The following CDKL5 variants were observed in gnomAD, a reference collection of about 807,000 sequenced individuals.
The protein encoded by CDKL5 is cyclin dependent kinase like 5.
Under a neutral mutation model 61.7 loss-of-function variants are expected in CDKL5, and 8 were observed. That is an observed-to-expected ratio of 0.13 (90% CI 0.08 to 0.23). CDKL5 has a LOEUF of 0.23. CDKL5 is among the 10% of genes least tolerant of loss of function. The probability of loss-of-function intolerance (pLI) is 1.00; values close to 1 mark genes in which losing one functional copy is unlikely to be tolerated. For missense variants in CDKL5, 440 were observed against 734.5 expected (o/e 0.60, Z 4.63); for synonymous variants, 275 against 272.3 (o/e 1.01, Z -0.10).
intron 1 of CDKL5, among the ~76,000 whole-genome samples, chrX:18,431,423 C>CTTTTTTTTTTTTT (rs1177063856): frequency 5.2e-5 from 5 of 95,524 alleles, no homozygotes; most frequent in Non-Finnish European, 8.5e-5. Flanking sequence ...GATTTCTTTT[C>CTTTTTTTTTTTTT]TTTTTTTTTT....
At chrX:18,543,271 G>T (rs2147117273) in intron 3 of CDKL5, among the ~76,000 whole-genome samples, 1 of 109,386 alleles carries the variant, frequency 9.1e-6, no homozygotes, top group South Asian at 4.0e-4. Context: ...CTGGTCTTTT[G>T]GCTGAAAGAA....
chrX:18,525,744 CTTTTTTTTT>C (rs778200388), intron 3 of CDKL5, among the ~76,000 whole-genome samples: 1 of 75,658 alleles, frequency 1.3e-5, no homozygotes, highest in African/African-American at 4.9e-5. Context: ...AATATTGAGT[CTTTTTTTTT>C]TTTTTTTTTT....
At chrX:18,440,066 G>A (rs1305951992) in intron 1 of CDKL5, among the ~76,000 whole-genome samples, 1 of 110,676 alleles carries the variant, frequency 9.0e-6, no homozygotes. Context: ...TGAAGGTTGG[G>A]GGATCTGTGG....
chrX:18,581,740 A>G (rs980862249), intron 6 of CDKL5, 151 bp from the exon 7 acceptor site: 6 of 397,192 alleles, frequency 1.5e-5, no homozygotes, highest in Non-Finnish European at 2.6e-5. Flanking sequence ...ATGTACCAGC[A>G]TAAAATGTGT....
In CDKL5 at chrX:18,635,412, C is replaced by T. The variant is rs1927356516; in HGVS notation, c.*6655C>T. On this transcript the variant is annotated 3_prime_UTR_variant, in exon 18 of 18. Transcript: ENST00000623535. ...GCACTGACTGATGTGACTGCCAGGCCGTCCCAATCTTGAGCACTGTGGTCC... is the reference window on the plus strand; with the variant it reads ...GCACTGACTGATGTGACTGCCAGGCTGTCCCAATCTTGAGCACTGTGGTCC... The T allele has an allele frequency of 5.3e-6, 4 of 752,208 alleles. No individual in the cohort carries two copies. The highest frequency in any genetic ancestry group is 6.3e-6 in the Non-Finnish European group (4 of 638,750). The allele number at this position is 752,208 out of a possible 1,213,427, so 62.0% of individuals were successfully genotyped here. A position where few individuals can be genotyped will look rare whatever the true frequency, so the allele number is the denominator to read the frequency against.
chrX:18,519,034 A>C (rs1202053390), intron 3 of CDKL5, among the ~76,000 whole-genome samples: 2 of 111,033 alleles, frequency 1.8e-5, no homozygotes, highest in Non-Finnish European at 3.8e-5. Flanking sequence ...TTGGTGTAGT[A>C]ATGATGGATT....
intron 1 of CDKL5, among the ~76,000 whole-genome samples, chrX:18,439,394 G>GGTGTGTGTGTGTGTGT (rs752724398): frequency 6.4e-4 from 65 of 101,911 alleles, no homozygotes; most frequent in African/African-American, 2.3e-3. Flanking sequence ...TTCCATAATA[G>GGTGTGTGTGTGTGTGT]GTGTGTGTGT....
chrX:18,610,551 C>G (rs1449908362), intron 14 of CDKL5, among the ~76,000 whole-genome samples: 1 of 112,799 alleles, frequency 8.9e-6, no homozygotes, highest in African/African-American at 3.2e-5. Flanking sequence ...GACTAGTACA[C>G]TGCCTCGCAC....
At chrX:18,619,343 GT>G (rs992519530) in intron 15 of CDKL5, among the ~76,000 whole-genome samples, 2 of 110,473 alleles carry the variant, frequency 1.8e-5, no homozygotes, top group African/African-American at 6.6e-5. Context: ...TACATAAAAG[GT>G]TTAATAAGTA....
At chrX:18,641,789 T>C (rs1417276134), downstream of CDKL5, 8 of 421,120 alleles carry the variant, frequency 1.9e-5, no homozygotes, top group Non-Finnish European at 2.5e-5. Context: ...TTCTTTGTTC[T>C]GACTTTCTCT....
intron 21 of CDKL5, among the ~76,000 whole-genome samples, chrX:18,651,266 A>T (rs12216985): frequency 0.045 from 3,224 of 71,204 alleles, 78 homozygotes; most frequent in East Asian, 0.12. Context: ...TGTGTGTGTG[A>T]GAGAGAGAGA....
chrX:18,502,215 C>T (rs1296920109), intron 1 of CDKL5, among the ~76,000 whole-genome samples: 2 of 111,717 alleles, frequency 1.8e-5, no homozygotes, highest in African/African-American at 6.5e-5. Flanking sequence ...TTTTCTCCAC[C>T]AGCAAAATGT....
chrX:18,559,010 C>T, intron 3 of CDKL5, among the ~76,000 whole-genome samples: 1 of 112,393 alleles, frequency 8.9e-6, no homozygotes, highest in East Asian at 2.8e-4. Flanking sequence ...GGCATGTGCT[C>T]TTCTGGCTTA....
At chrX:18,577,671 G>T (rs1283849404) in intron 5 of CDKL5, among the ~76,000 whole-genome samples, 1 of 111,888 alleles carries the variant, frequency 8.9e-6, no homozygotes, top group Non-Finnish European at 1.9e-5. Context: ...CACATTAGCT[G>T]CAAGGCAGAA....
Position 18,633,723 on chromosome X carries a change from T to C in CDKL5, c.*4966T>C, listed in dbSNP as rs894613381. 29 of 753,636 alleles carry C rather than the reference T, an allele frequency of 3.8e-5. No individual in the cohort carries two copies. Among genetic ancestry groups the C allele is most frequent in the Non-Finnish European group, 4.5e-5 (29 of 639,078 alleles). 62.1% of individuals were successfully genotyped at this position (753,636 alleles called of 1,213,427 possible). On this transcript the variant is annotated 3_prime_UTR_variant, in exon 18 of 18. Coordinates refer to ENST00000623535, the MANE Select transcript of CDKL5 (RefSeq NM_001323289.2). Reference sequence around the variant, plus strand: ...TTTTTTTTTTTCTTTGTGAATTGAATGTACGATACAAATGGTAGGCCTTCA... The same window carrying C: ...TTTTTTTTTTTCTTTGTGAATTGAACGTACGATACAAATGGTAGGCCTTCA...
At chrX:18,644,577 T>C, downstream of CDKL5, 1 of 1,211,627 alleles carries the variant, frequency 8.3e-7, no homozygotes. Context: ...CCTTCAGATC[T>C]ATCTGTAACC....
At position 18,632,257 on chromosome X, in the gene CDKL5, TC is replaced by T; in HGVS notation, c.*3502del. 1.3e-6 allele frequency: 1 copy of T among 752,848 alleles called. No homozygotes were observed. Among genetic ancestry groups the T allele is most frequent in the Non-Finnish European group, 1.6e-6 (1 of 638,999 alleles). 62.0% of individuals were successfully genotyped at this position (752,848 alleles called of 1,213,427 possible). On this transcript the variant is annotated 3_prime_UTR_variant, in exon 18 of 18. Coordinates refer to ENST00000623535, the MANE Select transcript of CDKL5 (RefSeq NM_001323289.2). ...AATCCTTGGAATCCTATTGTTCGTT[TC>T]CATTGTCTTGGGCCTGCTAAAAGGT...
At chrX:18,462,188 C>G (rs182447329) in intron 1 of CDKL5, among the ~76,000 whole-genome samples, 9 of 108,783 alleles carry the variant, frequency 8.3e-5, no homozygotes, top group African/African-American at 3.0e-4. Context: ...CCAAAAGATT[C>G]GACACCCCTG....
chrX:18,492,078 G>C (rs1308502665), intron 1 of CDKL5, among the ~76,000 whole-genome samples: 1 of 111,019 alleles, frequency 9.0e-6, no homozygotes, highest in Non-Finnish European at 1.9e-5. Context: ...TATCAAATTG[G>C]TTTCCAATTT....
Sources: gnomAD v4.1 joint callset for allele counts (sites outside exome capture counted in the v4.1 genomes callset) on GRCh38, gnomAD v4.1.1 for gene constraint, MANE v1.5 for transcripts, NCBI Gene and HGNC (gene_info 2026-07-23, HGNC 2026-07-21) for gene names.